PRRC1: variants seen among roughly 807,000 people sequenced by gnomAD.
The protein encoded by PRRC1 is protein PRRC1.
PRRC1 carries 39 observed loss-of-function variants against 40.7 expected under a neutral mutation model. The observed-to-expected ratio is 0.96, with a 90% CI of 0.74 to 1.25. The LOEUF is 1.25. PRRC1 is among the 50% of genes most tolerant of loss of function. The pLI, the probability that PRRC1 is intolerant of heterozygous loss-of-function variation, is 0.00. For synonymous variants in PRRC1, 175 were observed against 193.3 expected (o/e 0.91, Z 0.79); for missense variants, 573 against 548.3 (o/e 1.05, Z -0.45).
intron 7 of PRRC1, among the ~76,000 whole-genome samples, chr5:127,540,191 T>C (rs1396167788): frequency 2.0e-5 from 3 of 152,132 alleles, no homozygotes; most frequent in Non-Finnish European, 4.4e-5. Context: ...CAACTTTCTA[T>C]GTAAGCACTG....
At chr5:127,532,698 G>A (rs1767806562) in intron 5 of PRRC1, among the ~76,000 whole-genome samples, 2 of 152,080 alleles carry the variant, frequency 1.3e-5, no homozygotes, top group Admixed American at 1.3e-4. Flanking sequence ...TCAGGAAAAA[G>A]GGATCCATTA....
At chr5:127,528,902 CTG>C (rs1767694020) in intron 4 of PRRC1, among the ~76,000 whole-genome samples, 1 of 152,172 alleles carries the variant, frequency 6.6e-6, no homozygotes, top group Non-Finnish European at 1.5e-5. Flanking sequence ...CTTCTGGCCT[CTG>C]TATTCTAGTC....
At position 127,538,761 on chromosome 5, in the gene PRRC1, A is replaced by G. The variant is rs571021399; in HGVS notation, c.922-279A>G. ...TTTCTTAAATTATTTAACAGTAACA[A>G]TCAATGAGAAAATGTAATATAAAAA... On this transcript the variant is annotated intron_variant, in intron 6 of 8. Coordinates refer to ENST00000296666, the MANE Select transcript of PRRC1 (RefSeq NM_130809.5). 6.8e-4 allele frequency among the ~76,000 whole-genome samples: 103 copies of G among 152,252 alleles called. 1 individual carries two copies. The highest frequency in any genetic ancestry group is 2.3e-3 in the African/African-American group (96 of 41,580).
chr5:127,553,051 A>G lies in PRRC1; in HGVS notation c.*1135A>G, dbSNP rs1768435273. 1 of 728,946 alleles carries G rather than the reference A, an allele frequency of 1.4e-6. No homozygotes were observed. Among genetic ancestry groups the G allele is most frequent in the African/African-American group, 1.9e-5 (1 of 52,014 alleles). The allele number at this position is 728,946 out of a possible 1,614,324, so 45.2% of individuals were successfully genotyped here. A position where few individuals can be genotyped will look rare whatever the true frequency, so the allele number is the denominator to read the frequency against. On this transcript the variant is annotated 3_prime_UTR_variant, in exon 9 of 9. Transcript: ENST00000296666. ...GATAATTAAATAAATTTTTTTCTTA[A>G]TACTGTTGGACTTTGTATATACAAG...
In PRRC1 at chr5:127,554,014, G is replaced by C; in HGVS notation, c.*2098G>C. The C allele has an allele frequency of 6.6e-6, 7 of 1,052,666 alleles. No homozygotes were observed. The highest frequency in any genetic ancestry group is 9.3e-6 in the Non-Finnish European group (7 of 754,186). 65.2% of individuals were successfully genotyped at this position (1,052,666 alleles called of 1,614,324 possible). ...CCCAGAGTTTTTGAAAAGCAGCGGAGCATGACTGACTTCACATGCTCAGCT... is the reference window on the plus strand; with the variant it reads ...CCCAGAGTTTTTGAAAAGCAGCGGACCATGACTGACTTCACATGCTCAGCT... On this transcript the variant is annotated 3_prime_UTR_variant, in exon 9 of 9. Coordinates refer to ENST00000296666, the MANE Select transcript of PRRC1 (RefSeq NM_130809.5).
intron 3 of PRRC1, among the ~76,000 whole-genome samples, chr5:127,525,190 A>ACTTTCTATG (rs1463909998): frequency 6.6e-6 from 1 of 152,120 alleles, no homozygotes; most frequent in Admixed American, 6.6e-5. Flanking sequence ...CTACTAATCT[A>ACTTTCTATG]CTTTCTATGT....
chr5:127,522,659 A>G (rs1657713426), intron 1 of PRRC1, among the ~76,000 whole-genome samples: 1 of 150,698 alleles, frequency 6.6e-6, no homozygotes, highest in African/African-American at 2.4e-5. Context: ...CCCAAAGTGT[A>G]GGTTTACAGC....
At chr5:127,539,997 G>A (rs574542476) in intron 7 of PRRC1, among the ~76,000 whole-genome samples, 3 of 152,154 alleles carry the variant, frequency 2.0e-5, no homozygotes, top group Admixed American at 2.0e-4. Context: ...TTGAAGAAGA[G>A]GTGAAACTTG....
chr5:127,552,820 T>A lies in PRRC1; in HGVS notation c.*904T>A. On this transcript the variant is annotated 3_prime_UTR_variant, in exon 9 of 9. Transcript: ENST00000296666. The stretch of plus-strand genomic sequence containing the variant: ...ACTTTATTGCTTGTGGGTTAGTATG[T>A]CTCTTACTTCAATTAAGGTTACTTA... 1 of 985,570 alleles carries A rather than the reference T, an allele frequency of 1.0e-6. No homozygotes were observed. Among genetic ancestry groups the A allele is most frequent in the Non-Finnish European group, 1.2e-6 (1 of 829,680 alleles). 61.1% of individuals were successfully genotyped at this position (985,570 alleles called of 1,614,324 possible).
At chr5:127,546,654 A>T (rs1306269538) in intron 7 of PRRC1, among the ~76,000 whole-genome samples, 2 of 152,216 alleles carry the variant, frequency 1.3e-5, no homozygotes, top group African/African-American at 4.8e-5. Context: ...CTGGCATCAT[A>T]GAAAAAACTT....
At chr5:127,542,526 A>G (rs1384713126) in intron 7 of PRRC1, among the ~76,000 whole-genome samples, 21 of 150,952 alleles carry the variant, frequency 1.4e-4, no homozygotes, top group Non-Finnish European at 4.4e-5. Context: ...TTTGTAGGTC[A>G]CTCAGGACTT....
rs1245044304 is a variant in PRRC1, at chr5:127,552,022, T to G, written c.*106T>G. On this transcript the variant is annotated 3_prime_UTR_variant, in exon 9 of 9. Transcript: ENST00000296666. The stretch of plus-strand genomic sequence containing the variant: ...AATAGTCTAAATGAATCCAGTAGTT[T>G]TTATCATTTTCCTGTAGCCTGCAAT... 1.3e-6 allele frequency: 2 copies of G among 1,494,754 alleles called. No homozygotes were observed. The highest frequency in any genetic ancestry group is 2.3e-5 in the Admixed American group (1 of 43,728). 92.6% of individuals were successfully genotyped at this position (1,494,754 alleles called of 1,614,324 possible).
At chr5:127,533,813 A>G in intron 6 of PRRC1, 27 bp downstream of exon 6, 2 of 1,610,498 alleles carry the variant, frequency 1.2e-6, no homozygotes, top group Non-Finnish European at 1.7e-6. Context: ...CATTTTCAGG[A>G]CATGGAAACT....
intron 6 of PRRC1, among the ~76,000 whole-genome samples, chr5:127,535,129 C>G (rs1413310990): frequency 6.6e-6 from 1 of 152,140 alleles, no homozygotes; most frequent in African/African-American, 2.4e-5. Flanking sequence ...ATTTTGCCAA[C>G]CTGTCAATAC....
chr5:127,549,062 G>T (rs1035000230), intron 8 of PRRC1: 3 of 148,744 alleles, frequency 2.0e-5, no homozygotes, highest in Non-Finnish European at 4.4e-5. Flanking sequence ...ACCAAATGAC[G>T]TTGTTGCCTT....
At chr5:127,541,113 T>A (rs1364444593) in intron 7 of PRRC1, among the ~76,000 whole-genome samples, 1 of 152,254 alleles carries the variant, frequency 6.6e-6, no homozygotes, top group African/African-American at 2.4e-5. Flanking sequence ...AGGCCTTTTC[T>A]GCATCTATTG....
chr5:127,535,591 A>T (rs1767878532), intron 6 of PRRC1, among the ~76,000 whole-genome samples: 1 of 152,144 alleles, frequency 6.6e-6, no homozygotes, highest in African/African-American at 2.4e-5. Context: ...GAATCCACAA[A>T]ACTAATAGGA....
intron 6 of PRRC1, among the ~76,000 whole-genome samples, chr5:127,538,155 TCTCG>T (rs1767945952): frequency 2.0e-5 from 3 of 152,042 alleles, no homozygotes; most frequent in African/African-American, 7.2e-5. Context: ...TCTTACACGT[TCTCG>T]CACAGTTGTC....
intron 6 of PRRC1, among the ~76,000 whole-genome samples, chr5:127,538,007 A>C (rs1308477458): frequency 6.6e-6 from 1 of 151,948 alleles, no homozygotes; most frequent in Non-Finnish European, 1.5e-5. Context: ...TTATGTGGTA[A>C]GTTCTTATTG....
Sources: gnomAD v4.1 joint callset for allele counts (sites outside exome capture counted in the v4.1 genomes callset) on GRCh38, gnomAD v4.1.1 for gene constraint, MANE v1.5 for transcripts, NCBI Gene and HGNC (gene_info 2026-07-23, HGNC 2026-07-21) for gene names.